ADD2: variants seen among roughly 807,000 people sequenced by gnomAD.
ADD2 encodes adducin 2, also known as beta-adducin.
ADD2 carries 23 observed loss-of-function variants against 83.0 expected under a neutral mutation model. The observed-to-expected ratio is 0.28, with a 90% CI of 0.20 to 0.39. The LOEUF (loss-of-function observed/expected upper bound fraction) is 0.39. Ranked by LOEUF, ADD2 falls within the 10% of genes least tolerant of loss-of-function variation. ADD2 has a pLI of 1.00. For synonymous variants in ADD2, 375 were observed against 375.4 expected, an observed-to-expected ratio of 1.00 and a Z score of 0.01; for missense variants, 758 against 944.9, an observed-to-expected ratio of 0.80 and a Z score of 2.59.
At chr2:70,703,045 G>C (rs1349551693) in intron 4 of ADD2, among the ~76,000 whole-genome samples, 3 of 152,062 alleles carry the variant, frequency 2.0e-5, no homozygotes, top group Non-Finnish European at 4.4e-5. Context: ...AGGATTGCTT[G>C]AGCCTGGAAG....
At chr2:70,675,724 C>T (rs1467878024) in intron 13 of ADD2, 1 of 985,322 alleles carries the variant, frequency 1.0e-6, no homozygotes, top group Non-Finnish European at 1.2e-6. Flanking sequence ...CCCTGGGCCC[C>T]TTCCAAAAGG....
rs782497970 is a variant in ADD2, at chr2:70,695,776, T to C, written c.500A>G (p.His167Arg). 1 of 1,614,100 alleles carries C rather than the reference T, an allele frequency of 6.2e-7. No homozygotes were observed. The highest frequency in any genetic ancestry group is 8.5e-7 in the Non-Finnish European group (1 of 1,180,002). The stretch of plus-strand genomic sequence containing the variant: ...AACTCCCTTAGGGCTGATCAGGAAG[T>C]GGTCCTGCTCCTTGCTGACTCTCAA... ...VTLRVSKEQD[H>R]FLISPKGVSC... The change falls in exon 6 of 16, where the codon CAC (histidine) becomes CGC (arginine). Residue 167 changes from histidine to arginine, a missense_variant. By Grantham distance (29) the His-to-Arg change is conservative. Coordinates refer to ENST00000264436, the MANE Select transcript of ADD2 (RefSeq NM_001617.4).
At chr2:70,673,755 C>A (rs782084209) in intron 14 of ADD2, among the ~76,000 whole-genome samples, 1 of 152,162 alleles carries the variant, frequency 6.6e-6, no homozygotes, top group Non-Finnish European at 1.5e-5. Context: ...TACCACCATG[C>A]CTGGCTAATT....
At chr2:70,761,765 G>A (rs1309824154) in intron 1 of ADD2, among the ~76,000 whole-genome samples, 4 of 150,002 alleles carry the variant, frequency 2.7e-5, no homozygotes, top group African/African-American at 5.0e-5. Flanking sequence ...TCTGCCTCCC[G>A]GGTTCATGCC....
At chr2:70,712,144 T>C (rs1672211894) in intron 2 of ADD2, among the ~76,000 whole-genome samples, 2 of 152,166 alleles carry the variant, frequency 1.3e-5, no homozygotes, top group Admixed American at 6.5e-5. Flanking sequence ...CCAGTTTTAC[T>C]TGAACAAAAT....
At chr2:70,684,744 A>G (rs1254953628) in intron 9 of ADD2, among the ~76,000 whole-genome samples, 1 of 152,256 alleles carries the variant, frequency 6.6e-6, no homozygotes, top group Non-Finnish European at 1.5e-5. Context: ...AGCACTGTGC[A>G]GGGGTGAGAG....
At chr2:70,719,180 C>T (rs1364082814) in intron 1 of ADD2, among the ~76,000 whole-genome samples, 17 of 152,220 alleles carry the variant, frequency 1.1e-4, no homozygotes, top group African/African-American at 4.1e-4. Context: ...CCCACCTGCA[C>T]TCCCAGGGCT....
In ADD2 at chr2:70,696,266, C is replaced by T. The variant is rs549680073; in HGVS notation, c.453G>A (p.Gln151=). Reference sequence around the variant, plus strand: ...TCACCGTGACATAGGTGTCACTCAGCTGGGCCCAGCCATAGAGGTCCAGGA... The same window carrying T: ...TCACCGTGACATAGGTGTCACTCAGTTGGGCCCAGCCATAGAGGTCCAGGA... ...YRLLDLYGWA[Q]LSDTYVTLRV... is the part of the protein sequence containing the mutation. Residue 151 remains glutamine, a synonymous_variant, in exon 5 of 16, where the codon CAG becomes CAA. Transcript: ENST00000264436. The T allele has an allele frequency of 6.2e-6, 10 of 1,613,142 alleles. No individual in the cohort carries two copies. The East Asian group carries it at 1.8e-4, about 29-fold the overall frequency.
chr2:70,669,863 G>A (rs1405043687), intron 15 of ADD2, among the ~76,000 whole-genome samples: 1 of 127,506 alleles, frequency 7.8e-6, no homozygotes, highest in East Asian at 2.0e-4. Context: ...GGGAGAGAGA[G>A]ACAGACAGAG....
intron 15 of ADD2, among the ~76,000 whole-genome samples, chr2:70,672,028 T>G (rs991392055): frequency 6.6e-6 from 1 of 152,234 alleles, no homozygotes; most frequent in South Asian, 2.1e-4. Flanking sequence ...ATGTATACTA[T>G]TAACCATAAC....
At chr2:70,742,170 C>T (rs560542871) in intron 1 of ADD2, among the ~76,000 whole-genome samples, 19 of 152,194 alleles carry the variant, frequency 1.2e-4, no homozygotes, top group Admixed American at 4.6e-4. Flanking sequence ...TTTTCCTTGA[C>T]GTCAGAATAA....
At position 70,706,893 on chromosome 2, in the gene ADD2, G is replaced by T. The variant is rs2863793; in HGVS notation, c.-34-451C>A. ...TGGTGGAAATAGCTAATGCATGCTGGGCTTAACACCTAGGTAATGGGTTGA... is the reference window on the plus strand; with the variant it reads ...TGGTGGAAATAGCTAATGCATGCTGTGCTTAACACCTAGGTAATGGGTTGA... On this transcript the variant is annotated intron_variant, in intron 2 of 15. Transcript: ENST00000264436. The surrounding 1 kb of genome is among the most constrained non-coding windows in gnomAD (Gnocchi z 5.0). Among the ~76,000 whole-genome samples the T allele has an allele frequency of 1.3e-5, 2 of 151,922 alleles. No homozygotes were observed. The highest frequency in any genetic ancestry group is 4.8e-5 in the African/African-American group (2 of 41,320).
chr2:70,693,411 AC>A (rs1366904437), intron 6 of ADD2, among the ~76,000 whole-genome samples: 1 of 152,100 alleles, frequency 6.6e-6, no homozygotes, highest in East Asian at 1.9e-4. Flanking sequence ...AAACTGAGAC[AC>A]CCGTGACATC....
intron 1 of ADD2, among the ~76,000 whole-genome samples, chr2:70,764,895 CA>C (rs1675301673): frequency 2.6e-5 from 4 of 152,026 alleles, no homozygotes. Flanking sequence ...TTCAGAACCC[CA>C]GGGGGCTGAG....
At chr2:70,667,498 G>A (rs551888652) in intron 15 of ADD2, among the ~76,000 whole-genome samples, 5 of 152,310 alleles carry the variant, frequency 3.3e-5, no homozygotes, top group African/African-American at 9.6e-5. Flanking sequence ...CACTGGCTGT[G>A]TCTTGGCCAC....
intron 1 of ADD2, among the ~76,000 whole-genome samples, chr2:70,745,009 G>A (rs923305544): frequency 2.0e-5 from 3 of 152,102 alleles, no homozygotes; most frequent in Admixed American, 6.6e-5. Context: ...GTGAACGGCC[G>A]GGCACGGTGG....
rs1675544188 is a variant in ADD2 at position 70,661,756 on chromosome 2, CAT to C, written c.*1667_*1668del. 2 of 152,204 alleles carry C rather than the reference CAT, an allele frequency of 1.3e-5. No homozygotes were observed. The highest frequency in any genetic ancestry group is 6.5e-5 in the Admixed American group (1 of 15,280). The allele number at this position is 152,204 out of a possible 1,614,324, so 9.4% of individuals were successfully genotyped here. A position where few individuals can be genotyped will look rare whatever the true frequency, so the allele number is the denominator to read the frequency against. On this transcript the variant is annotated 3_prime_UTR_variant, in exon 16 of 16. Transcript: ENST00000264436. ...CTAACATTATGCAATGGAGAACAGTCATAGAGACAAATCCTGGATGAAAACCA... is the reference window on the plus strand; with the variant it reads ...CTAACATTATGCAATGGAGAACAGTCAGAGACAAATCCTGGATGAAAACCA...
At chr2:70,708,072 C>A (rs1553374839) in intron 2 of ADD2, among the ~76,000 whole-genome samples, 1 of 152,234 alleles carries the variant, frequency 6.6e-6, no homozygotes, top group Non-Finnish European at 1.5e-5. Flanking sequence ...CCTCTTCTTC[C>A]ACATTCTACC....
chr2:70,698,609 G>C (rs1671426310), intron 4 of ADD2, among the ~76,000 whole-genome samples: 1 of 152,108 alleles, frequency 6.6e-6, no homozygotes, highest in Admixed American at 6.5e-5. Context: ...TGTTTGAGGT[G>C]ATGGTTATTC....
Sources: allele counts gnomAD v4.1 joint callset (sites outside exome capture counted in the v4.1 genomes callset), GRCh38; gene constraint gnomAD v4.1.1; non-coding constraint Gnocchi (gnomAD v3.1); transcripts MANE v1.5; gene names NCBI Gene and HGNC (gene_info 2026-07-23, HGNC 2026-07-21).